Variants in SZT2 observed in about 807,000 individuals in gnomAD.
SZT2 encodes the protein SZT2 subunit of KICSTOR complex.
In SZT2, 216 loss-of-function variants were observed where a neutral mutation model predicts 404.2. The ratio of observed to expected loss-of-function variants is 0.53; its 90% CI spans 0.48 to 0.60. The LOEUF (loss-of-function observed/expected upper bound fraction) is 0.60. SZT2 is among the 20% of genes least tolerant of loss of function. The pLI is 0.00. For synonymous variants in SZT2, 1,693 were observed against 1,749.9 expected (o/e 0.97, Z 0.81); for missense variants, 3,857 against 4,459.2 (o/e 0.86, Z 3.85).
Position 43,420,077 on chromosome 1 carries a change from A to G in SZT2, c.1091-76A>G, listed in dbSNP as rs1372936066. The G allele has an allele frequency of 6.3e-7, 1 of 1,576,270 alleles. No individual in the cohort carries two copies. Among genetic ancestry groups the G allele is most frequent in the African/African-American group, 1.3e-5 (1 of 74,564 alleles). On this transcript the variant is annotated intron_variant, in intron 8 of 71. Transcript: ENST00000634258. This position sits in a 1 kb window ranked among gnomAD's most constrained non-coding sequence, Gnocchi z 5.1. ...ACTGTTACCTCACAGTCATTTCAGC[A>G]TAGCCCCTTCCCCCTACAGATCTGT...
Position 43,391,038 on chromosome 1 carries a change from C to A in SZT2, c.27+1043C>A, listed in dbSNP as rs924921018. Among the ~76,000 whole-genome samples, 5 of 152,098 alleles carry A rather than the reference C, an allele frequency of 3.3e-5. 1 individual carries two copies. Among genetic ancestry groups the A allele is most frequent in the Non-Finnish European group, 7.4e-5 (5 of 68,024 alleles). On this transcript the variant is annotated intron_variant, in intron 1 of 71. Transcript: ENST00000634258. ...AGATATTAAGAGTAACAAAGTAAGCCGGGCGCAGTGGCTTACACCTGTAAT... is the reference window on the plus strand; with the variant it reads ...AGATATTAAGAGTAACAAAGTAAGCAGGGCGCAGTGGCTTACACCTGTAAT...
At chr1:43,413,055 G>A (rs1651266096) in intron 4 of SZT2, among the ~76,000 whole-genome samples, 1 of 152,168 alleles carries the variant, frequency 6.6e-6, no homozygotes, top group Admixed American at 6.5e-5. Flanking sequence ...TGCACTCTTG[G>A]TAGAAATGTA....
chr1:43,395,483 A>T (rs991417050), intron 1 of SZT2, among the ~76,000 whole-genome samples: 3 of 152,180 alleles, frequency 2.0e-5, no homozygotes, highest in Non-Finnish European at 4.4e-5. Flanking sequence ...AATTTTTTGT[A>T]GAGACAGGGT....
chr1:43,422,657 C>CCT, intron 13 of SZT2, 25 bp downstream of exon 13: 2 of 1,250,822 alleles, frequency 1.6e-6, no homozygotes, highest in Non-Finnish European at 2.1e-6. Context: ...GTCCCTTCAC[C>CCT]CCCCGCCCCC....
Position 43,452,834 on chromosome 1 carries a change from C to T in SZT2, c.*2354C>T. On this transcript the variant is annotated 3_prime_UTR_variant, in exon 72 of 72. Coordinates refer to ENST00000634258, the MANE Select transcript of SZT2 (RefSeq NM_001365999.1). ...TGAGCCGTCCACCTCCTCCCATCAT[C>T]CCCTGATCTTAGCCACATCCAGCTC... 1.3e-6 allele frequency: 2 copies of T among 1,497,662 alleles called. No individual in the cohort carries two copies. The highest frequency in any genetic ancestry group is 9.1e-7 in the Non-Finnish European group (1 of 1,098,684). The allele number at this position is 1,497,662 out of a possible 1,614,324, so 92.8% of individuals were successfully genotyped here.
rs978791042 is a variant in SZT2, at chr1:43,434,467, C to T, written c.5886C>T (p.Ile1962=). Residue 1962 remains isoleucine, a synonymous_variant, in exon 41 of 72, where the codon ATC becomes ATT. Coordinates refer to ENST00000634258, the MANE Select transcript of SZT2 (RefSeq NM_001365999.1). ...TCCTGGTGAGGCGAGTTGGGGAGAT[C>T]TGCAGGGAGGTCAACCAGGTAAGGG... ...QQLLVRRVGE[I]CREVNQRLLL... 6.3e-7 allele frequency: 1 copy of T among 1,595,690 alleles called. No homozygotes were observed. The highest frequency in any genetic ancestry group is 1.3e-5 in the African/African-American group (1 of 74,982).
In SZT2 at chr1:43,450,937, G is replaced by T. The variant is rs1393010241; in HGVS notation, c.*457G>T. On this transcript the variant is annotated 3_prime_UTR_variant, in exon 72 of 72. Transcript: ENST00000634258. The surrounding 1 kb of genome is among the most constrained non-coding windows in gnomAD (Gnocchi z 4.3). ...GACATTCCCATCGAGATGACACCTG[G>T]GTTCCAATCCCAGCTCTGCCTTTGA... 1 of 757,092 alleles carries T rather than the reference G, an allele frequency of 1.3e-6. No individual in the cohort carries two copies. The highest frequency in any genetic ancestry group is 2.4e-6 in the Non-Finnish European group (1 of 413,272). 46.9% of individuals were successfully genotyped at this position (757,092 alleles called of 1,614,324 possible).
In SZT2 at chr1:43,448,158, C is replaced by T; in HGVS notation, c.9643C>T (p.Pro3215Ser). ...LTADMRRFRK[P>S]PRLPPEPEAP... ...TGCTGACATGCGCCGCTTCCGGAAG[C>T]CACCCAGACTGCCCCCTGAGCCAGA... The change falls in exon 69 of 72, where the codon CCA becomes TCA. Residue 3215 changes from proline (P) to serine (S), a missense_variant. This residue lies in a region of SZT2 where 717 missense variants were observed against 868.2 expected (regional missense o/e 0.83). Coordinates refer to ENST00000634258, the MANE Select transcript of SZT2 (RefSeq NM_001365999.1). The surrounding 1 kb of genome is among the most constrained non-coding windows in gnomAD (Gnocchi z 4.2). 1 of 1,611,010 alleles carries T rather than the reference C, an allele frequency of 6.2e-7. No individual in the cohort carries two copies. Among genetic ancestry groups the T allele is most frequent in the Non-Finnish European group, 8.5e-7 (1 of 1,178,060 alleles).
intron 4 of SZT2, among the ~76,000 whole-genome samples, chr1:43,408,044 G>T (rs1484166940): frequency 2.6e-5 from 4 of 152,020 alleles, no homozygotes; most frequent in African/African-American, 7.2e-5. Flanking sequence ...GTGTTGGCCA[G>T]GATGGTCTTG....
Position 43,430,719 on chromosome 1 carries a change from C to T in SZT2, c.4704C>T (p.His1568=), listed in dbSNP as rs753910398. 1.2e-6 allele frequency: 2 copies of T among 1,613,656 alleles called. No individual in the cohort carries two copies. The highest frequency in any genetic ancestry group is 4.5e-5 in the East Asian group (2 of 44,890). ...FLHDLPPLFL[H]LTCSVRLRGQ... ...ATGACCTGCCACCGCTCTTCCTGCACCTCACGTGCTCCGTGCGGCTACGTG... is the reference window on the plus strand; with the variant it reads ...ATGACCTGCCACCGCTCTTCCTGCATCTCACGTGCTCCGTGCGGCTACGTG... The change falls in exon 32 of 72, where the codon CAC becomes CAT. Residue 1568 remains histidine (H), a synonymous_variant. Transcript: ENST00000634258.
Position 43,426,220 on chromosome 1 carries a change from A to T in SZT2, c.3043+69A>T. ...GCAAGCCTGGAAGTATTAGAAAATAACAAACAGATGGGTCAGCAAGTGAGC... is the reference window on the plus strand; with the variant it reads ...GCAAGCCTGGAAGTATTAGAAAATATCAAACAGATGGGTCAGCAAGTGAGC... On this transcript the variant is annotated intron_variant, in intron 21 of 71. Transcript: ENST00000634258. This position sits in a 1 kb window ranked among gnomAD's most constrained non-coding sequence, Gnocchi z 4.9. 1 of 1,557,502 alleles carries T rather than the reference A, an allele frequency of 6.4e-7. No homozygotes were observed. The highest frequency in any genetic ancestry group is 8.7e-7 in the Non-Finnish European group (1 of 1,143,940).
In SZT2 at chr1:43,432,743, C is replaced by T; in HGVS notation, c.5546C>T (p.Pro1849Leu). The T allele has an allele frequency of 6.2e-7, 1 of 1,613,906 alleles. No individual in the cohort carries two copies. The highest frequency in any genetic ancestry group is 8.5e-7 in the Non-Finnish European group (1 of 1,179,946). The stretch of plus-strand genomic sequence containing the variant: ...CTCTATCCAGGGAGTCAGCCTGGGC[C>T]CAGCCGGGGATTAAGTCTCATGTCC... Reference protein sequence around the residue: ...RVPQGGSQPGPSRGLSLMSSQ... With the variant: ...RVPQGGSQPGLSRGLSLMSSQ... The change falls in exon 39 of 72, where the codon CCC (proline) becomes CTC (leucine). Residue 1849 changes from proline (P) to leucine (L), a missense_variant. Pro to Leu is a moderately conservative substitution (Grantham distance 98). Coordinates refer to ENST00000634258, the MANE Select transcript of SZT2 (RefSeq NM_001365999.1).
chr1:43,441,541 A>G lies in SZT2; in HGVS notation c.7549A>G (p.Thr2517Ala). 2 of 1,613,982 alleles carry G rather than the reference A, an allele frequency of 1.2e-6. No homozygotes were observed. The highest frequency in any genetic ancestry group is 1.7e-6 in the Non-Finnish European group (2 of 1,179,982). Reference protein sequence around the residue: ...TTQLEEGEVGTLHPVFARVAQ... With the variant: ...TTQLEEGEVGALHPVFARVAQ... ...ACAGCTAGAAGAGGGTGAGGTGGGG[A>G]CCCTTCATCCTGTGTTTGCCCGTGT... The change falls in exon 54 of 72, where the codon ACC (threonine) becomes GCC (alanine). Residue 2517 changes from threonine to alanine, a missense_variant. Thr to Ala is a moderately conservative substitution (Grantham distance 58, BLOSUM62 0). This residue lies in a region of SZT2 where 573 missense variants were observed against 592.4 expected (regional missense o/e 0.97). Coordinates refer to ENST00000634258, the MANE Select transcript of SZT2 (RefSeq NM_001365999.1). The surrounding 1 kb of genome is among the most constrained non-coding windows in gnomAD (Gnocchi z 4.8).
chr1:43,447,513 G>T (rs1245704274), intron 66 of SZT2, 32 bp from the exon 67 acceptor site: 1 of 1,608,756 alleles, frequency 6.2e-7, no homozygotes, highest in Non-Finnish European at 8.5e-7. Flanking sequence ...CCTAGGCTTA[G>T]TGTCTGCTGT....
chr1:43,424,708 A>G lies in SZT2; in HGVS notation c.2472-76A>G, dbSNP rs1461229383. 3.1e-6 allele frequency: 4 copies of G among 1,288,296 alleles called. No individual in the cohort carries two copies. Among genetic ancestry groups the G allele is most frequent in the South Asian group, 1.2e-5 (1 of 80,754 alleles). The allele number at this position is 1,288,296 out of a possible 1,614,324, so 79.8% of individuals were successfully genotyped here. On this transcript the variant is annotated intron_variant, in intron 16 of 71. Coordinates refer to ENST00000634258, the MANE Select transcript of SZT2 (RefSeq NM_001365999.1). The surrounding 1 kb of genome is among the most constrained non-coding windows in gnomAD (Gnocchi z 4.1). ...TTGAGGACTGCTGGGAGGTGGGTGT[A>G]TGTGGGGAGAGCTTGTAGTCTCAGT...
In SZT2 at chr1:43,454,031, A is replaced by G. The variant is rs1553158781; in HGVS notation, c.*3551A>G. ...GCGGAGCGAGGGCGGCCGGAAAAGG[A>G]GCAGGACCCGCGCCTGGAGAAGGTA... On this transcript the variant is annotated 3_prime_UTR_variant, in exon 72 of 72. Coordinates refer to ENST00000634258, the MANE Select transcript of SZT2 (RefSeq NM_001365999.1). 8.6e-7 allele frequency: 1 copy of G among 1,158,984 alleles called. No individual in the cohort carries two copies. The allele number at this position is 1,158,984 out of a possible 1,614,324, so 71.8% of individuals were successfully genotyped here.
chr1:43,411,223 T>A (rs1336003178), intron 4 of SZT2, among the ~76,000 whole-genome samples: 1 of 152,220 alleles, frequency 6.6e-6, no homozygotes, highest in Non-Finnish European at 1.5e-5. Context: ...CTCACTTCTG[T>A]CTTCATGGAG....
chr1:43,408,075 G>T (rs1650552223), intron 4 of SZT2, among the ~76,000 whole-genome samples: 1 of 151,976 alleles, frequency 6.6e-6, no homozygotes, highest in Non-Finnish European at 1.5e-5. Context: ...CTTGTGATCT[G>T]CCCGCCTCGG....
At chr1:43,411,458 A>G (rs986903008) in intron 4 of SZT2, among the ~76,000 whole-genome samples, 4 of 152,316 alleles carry the variant, frequency 2.6e-5, no homozygotes, top group African/African-American at 9.6e-5. Context: ...CAGGGAACAC[A>G]TGCAGAATGA....
Sources: allele counts gnomAD v4.1 joint callset (sites outside exome capture counted in the v4.1 genomes callset), GRCh38; gene constraint gnomAD v4.1.1; regional missense constraint gnomAD v4.1.1; non-coding constraint Gnocchi (gnomAD v3.1); transcripts MANE v1.5; gene names NCBI Gene and HGNC (gene_info 2026-07-23, HGNC 2026-07-21).